Variants in DNAH9 observed in about 807,000 individuals in gnomAD.
DNAH9 encodes dynein axonemal heavy chain 9, also known as DNAH9 variant protein.
A neutral mutation model predicts 471.6 loss-of-function variants in DNAH9; 345 were observed. The observed-to-expected ratio is 0.73, with a 90% CI of 0.67 to 0.80. DNAH9 has a LOEUF of 0.80. Among genes scored for constraint, DNAH9 ranks in the 30% least tolerant of loss-of-function variants. The pLI is 0.00. For missense variants in DNAH9, 5,407 were observed against 5,609.2 expected (o/e 0.96, Z 1.15); for synonymous variants, 2,093 against 2,123.6 (o/e 0.99, Z 0.40).
chr17:11,733,199 A>G (rs916767961), intron 28 of DNAH9, among the ~76,000 whole-genome samples: 1 of 152,220 alleles, frequency 6.6e-6, no homozygotes, highest in Non-Finnish European at 1.5e-5. Context: ...TGAAAAGAGA[A>G]TGACCACAGG....
intron 6 of DNAH9, among the ~76,000 whole-genome samples, chr17:11,624,643 G>A (rs2072938427): frequency 6.6e-6 from 1 of 152,160 alleles, no homozygotes; most frequent in South Asian, 2.1e-4. Flanking sequence ...TTGTACCCAG[G>A]GGGACAGCTG....
At chr17:11,621,300 C>T (rs577689134) in intron 6 of DNAH9, among the ~76,000 whole-genome samples, 64 of 146,444 alleles carry the variant, frequency 4.4e-4, no homozygotes, top group East Asian at 6.5e-4. Flanking sequence ...CCCAGCTACT[C>T]GGGAGGCTGA....
At chr17:11,787,300 C>G (rs1001007227) in intron 41 of DNAH9, among the ~76,000 whole-genome samples, 69 of 152,316 alleles carry the variant, frequency 4.5e-4, no homozygotes, top group African/African-American at 1.7e-3. Context: ...CAGCTGGCCA[C>G]CTGCAATTGG....
At chr17:11,747,023 AAGTCAGT>A (rs1966908822) in intron 31 of DNAH9, among the ~76,000 whole-genome samples, 1 of 152,192 alleles carries the variant, frequency 6.6e-6, no homozygotes, top group Non-Finnish European at 1.5e-5. Flanking sequence ...TTAGAGCTGG[AAGTCAGT>A]AGTCTCCCAG....
At chr17:11,781,818 C>T (rs138296439) in intron 39 of DNAH9, among the ~76,000 whole-genome samples, 2,125 of 138,176 alleles carry the variant, frequency 0.015, 59 homozygotes, top group African/African-American at 0.059. Context: ...GGCAACAGAG[C>T]GAGACTCCAT....
intron 2 of DNAH9, 148 bp downstream of exon 2, chr17:11,608,473 C>A (rs2072557066): frequency 3.0e-6 from 2 of 666,390 alleles, no homozygotes; most frequent in Non-Finnish European, 5.0e-6. Flanking sequence ...TTGCCGACAC[C>A]CTCAGACTGT....
At chr17:11,629,811 C>T (rs1037368238) in intron 7 of DNAH9, among the ~76,000 whole-genome samples, 1 of 152,154 alleles carries the variant, frequency 6.6e-6, no homozygotes, top group Non-Finnish European at 1.5e-5. Context: ...AGGCCTCTTC[C>T]AACTGTTAAC....
intron 26 of DNAH9, among the ~76,000 whole-genome samples, chr17:11,717,517 A>G (rs2074984346): frequency 6.6e-6 from 1 of 152,194 alleles, no homozygotes; most frequent in African/African-American, 2.4e-5. Flanking sequence ...TCAGAAACAA[A>G]GAGAATTAAT....
At chr17:11,759,023 G>C (rs1967527695) in intron 35 of DNAH9, among the ~76,000 whole-genome samples, 2 of 151,852 alleles carry the variant, frequency 1.3e-5, no homozygotes. Context: ...AGATGGACTA[G>C]GGCAGCCAAG....
At chr17:11,966,926 T>C (rs1267424597) in intron 68 of DNAH9, among the ~76,000 whole-genome samples, 2 of 145,998 alleles carry the variant, frequency 1.4e-5, no homozygotes, top group African/African-American at 5.1e-5. Flanking sequence ...TCCCAGCTAC[T>C]GGGGAGGCTA....
At chr17:11,852,815 TATATATATATATATATATA>T in intron 49 of DNAH9, among the ~76,000 whole-genome samples, 1 of 24,220 alleles carries the variant, frequency 4.1e-5, no homozygotes, top group Admixed American at 6.7e-4. Flanking sequence ...TGTGTGTGTG[TATATATATATATATATATA>T]TATATATATA....
At chr17:11,901,069 G>A (rs933582012) in intron 59 of DNAH9, among the ~76,000 whole-genome samples, 1 of 152,202 alleles carries the variant, frequency 6.6e-6, no homozygotes, top group Non-Finnish European at 1.5e-5. Context: ...CTCCCAAGCA[G>A]GCTGCAAATG....
intron 22 of DNAH9, among the ~76,000 whole-genome samples, chr17:11,696,710 C>A (rs977970765): frequency 1.3e-5 from 2 of 152,110 alleles, no homozygotes; most frequent in African/African-American, 4.8e-5. Context: ...TATAGCAGTT[C>A]TTTTTTTCCT....
chr17:11,925,757 A>G (rs774198158), intron 62 of DNAH9, among the ~76,000 whole-genome samples: 2 of 152,150 alleles, frequency 1.3e-5, no homozygotes, highest in Non-Finnish European at 2.9e-5. Context: ...TCAATATTCC[A>G]TCTTTATTTC....
intron 61 of DNAH9, among the ~76,000 whole-genome samples, chr17:11,915,277 G>A (rs1009917471): frequency 6.6e-5 from 10 of 152,232 alleles, no homozygotes; most frequent in Admixed American, 4.6e-4. Flanking sequence ...TGTAATCCCA[G>A]CATTTTGGGA....
At chr17:11,621,404 T>A (rs1597397438) in intron 6 of DNAH9, among the ~76,000 whole-genome samples, 1 of 86,106 alleles carries the variant, frequency 1.2e-5, no homozygotes. Context: ...CGAGACTCCA[T>A]CTCAAAAAAA....
intron 45 of DNAH9, among the ~76,000 whole-genome samples, chr17:11,811,518 G>A (rs536448850): frequency 9.2e-5 from 14 of 152,130 alleles, no homozygotes; most frequent in African/African-American, 3.1e-4. Context: ...GGAGGCCATA[G>A]GTAACTGATA....
At chr17:11,798,457 AAGAGAGAG>A (rs1166706295) in intron 43 of DNAH9, among the ~76,000 whole-genome samples, 4 of 130,098 alleles carry the variant, frequency 3.1e-5, no homozygotes, top group South Asian at 2.4e-4. Context: ...AAAAAAAAAA[AAGAGAGAG>A]AGAGAGAGAG....
At chr17:11,721,185 A>G (rs989958148) in intron 27 of DNAH9, among the ~76,000 whole-genome samples, 2 of 152,218 alleles carry the variant, frequency 1.3e-5, no homozygotes, top group African/African-American at 4.8e-5. Flanking sequence ...CAATTCTATC[A>G]AAACCAATCA....
Sources: gnomAD v4.1 joint callset for allele counts (sites outside exome capture counted in the v4.1 genomes callset) on GRCh38, gnomAD v4.1.1 for gene constraint, MANE v1.5 for transcripts, NCBI Gene and HGNC (gene_info 2026-07-23, HGNC 2026-07-21) for gene names.